Variants in NDST1 observed in about 807,000 individuals in gnomAD.
The protein encoded by NDST1 is bifunctional heparan sulfate N-deacetylase/N-sulfotransferase 1.
Under a neutral mutation model 92.8 loss-of-function variants are expected in NDST1, and 35 were observed. That is an observed-to-expected ratio of 0.38 (90% CI 0.29 to 0.50). The LOEUF is 0.50. NDST1 is among the 20% of genes least tolerant of loss of function. NDST1 has a pLI of 0.94. For synonymous variants in NDST1, 493 were observed against 500.3 expected, an observed-to-expected ratio of 0.99 and a Z score of 0.19; for missense variants, 822 against 1,182.7, an observed-to-expected ratio of 0.69 and a Z score of 4.47.
At chr5:150,517,190 C>T (rs933217627) in intron 1 of NDST1, among the ~76,000 whole-genome samples, 6 of 152,012 alleles carry the variant, frequency 3.9e-5, no homozygotes, top group East Asian at 1.9e-4. Context: ...CTCGCTCTGT[C>T]GCTCAGGCTG....
chr5:150,535,714 C>T lies in NDST1; in HGVS notation c.1266C>T (p.Pro422=). Residue 422 remains proline (P), a synonymous_variant, in exon 6 of 15, where the codon CCC becomes CCT. Coordinates refer to ENST00000261797, the MANE Select transcript of NDST1 (RefSeq NM_001543.5). ...NKKFAVEHGI[P]TDMGYAVAPH... is the part of the protein sequence containing the mutation. ...CCTCTCCCTAGGAGCATGGCATTCCCACAGACATGGGGTATGCAGTGGCGC... is the reference window on the plus strand; with the variant it reads ...CCTCTCCCTAGGAGCATGGCATTCCTACAGACATGGGGTATGCAGTGGCGC... The T allele has an allele frequency of 1.2e-6, 2 of 1,614,212 alleles. No individual in the cohort carries two copies. The highest frequency in any genetic ancestry group is 8.5e-7 in the Non-Finnish European group (1 of 1,180,042).
At chr5:150,519,994 A>C (rs1266116009) in intron 1 of NDST1, among the ~76,000 whole-genome samples, 1 of 152,098 alleles carries the variant, frequency 6.6e-6, no homozygotes, top group Non-Finnish European at 1.5e-5. Context: ...TCCCCTCTGC[A>C]TCCTGTGGTG....
intron 1 of NDST1, among the ~76,000 whole-genome samples, chr5:150,511,955 G>T (rs1753743797): frequency 6.6e-6 from 1 of 150,576 alleles, no homozygotes; most frequent in African/African-American, 2.4e-5. Context: ...TGGGGGTGAT[G>T]ATGTGACTGT....
Position 150,558,016 on chromosome 5 carries a change from G to C in NDST1, c.*4684G>C, listed in dbSNP as rs1188039405. 6.8e-6 allele frequency: 1 copy of C among 148,096 alleles called. No homozygotes were observed. The highest frequency in any genetic ancestry group is 1.5e-5 in the Non-Finnish European group (1 of 66,600). 9.2% of individuals were successfully genotyped at this position (148,096 alleles called of 1,614,324 possible). A position where few individuals can be genotyped will look rare whatever the true frequency, so the allele number is the denominator to read the frequency against. ...GAGGAGAGGGCCGACTGGAGAGGGTGGGGGGCACACTGGGGAAGCAGGCAG... is the reference window on the plus strand; with the variant it reads ...GAGGAGAGGGCCGACTGGAGAGGGTCGGGGGCACACTGGGGAAGCAGGCAG... On this transcript the variant is annotated 3_prime_UTR_variant, in exon 15 of 15. Transcript: ENST00000261797.
At chr5:150,544,062 C>T (rs1236328608) in intron 10 of NDST1, among the ~76,000 whole-genome samples, 3 of 152,210 alleles carry the variant, frequency 2.0e-5, no homozygotes, top group East Asian at 3.9e-4. Context: ...ACGGCGTGCG[C>T]CACTGCGCCC....
At chr5:150,502,705 C>T (rs995883969) in intron 1 of NDST1, among the ~76,000 whole-genome samples, 7 of 151,962 alleles carry the variant, frequency 4.6e-5, no homozygotes, top group Non-Finnish European at 7.4e-5. Flanking sequence ...TCCTTTTGGA[C>T]GAGGAAAAAG....
intron 2 of NDST1, among the ~76,000 whole-genome samples, chr5:150,522,396 TG>T (rs1180262909): frequency 6.6e-6 from 1 of 151,026 alleles, no homozygotes; most frequent in Non-Finnish European, 1.5e-5. Context: ...CCGCCGGGAT[TG>T]GGGTCCTTGC....
chr5:150,521,092 TG>T lies in NDST1; in HGVS notation c.-158del. On this transcript the variant is annotated 5_prime_UTR_variant, in exon 2 of 15. Transcript: ENST00000261797. The surrounding 1 kb of genome is among the most constrained non-coding windows in gnomAD (Gnocchi z 5.9). ...TGCGCCCCTGGCTGGGAGGAAGGAC[TG>T]GGGGCCCAGATCCTCCACTCCCAGT... The T allele has an allele frequency of 1.5e-6, 1 of 648,654 alleles. No individual in the cohort carries two copies. Among genetic ancestry groups the T allele is most frequent in the Non-Finnish European group, 2.6e-6 (1 of 379,290 alleles). 40.2% of individuals were successfully genotyped at this position (648,654 alleles called of 1,614,324 possible).
At chr5:150,502,325 T>C (rs1753270624) in intron 1 of NDST1, among the ~76,000 whole-genome samples, 1 of 152,014 alleles carries the variant, frequency 6.6e-6, no homozygotes, top group African/African-American at 2.4e-5. Context: ...GATGAGCTGA[T>C]GGGATTTGCT....
intron 2 of NDST1, 119 bp from the exon 3 acceptor site, chr5:150,527,685 C>T (rs1231458809): frequency 6.9e-7 from 1 of 1,451,524 alleles, no homozygotes; most frequent in East Asian, 2.4e-5. Context: ...GGTGGTGAGC[C>T]CTCCATGAAT....
chr5:150,536,014 G>C (rs572996188), intron 6 of NDST1, 129 bp downstream of exon 6: 1 of 1,079,900 alleles, frequency 9.3e-7, no homozygotes, highest in South Asian at 1.3e-5. Context: ...AGCTTCTGCT[G>C]CCTCCTCTGG....
At chr5:150,529,892 C>T (rs1754644762) in intron 3 of NDST1, among the ~76,000 whole-genome samples, 2 of 152,204 alleles carry the variant, frequency 1.3e-5, no homozygotes, top group Non-Finnish European at 2.9e-5. Context: ...CTGCCTTGGT[C>T]AGGAGTGAAC....
intron 2 of NDST1, among the ~76,000 whole-genome samples, chr5:150,525,070 C>T (rs982588519): frequency 1.3e-5 from 2 of 152,172 alleles, no homozygotes; most frequent in African/African-American, 4.8e-5. Context: ...TCTGCGTTCC[C>T]GAATCAGGGC....
At chr5:150,540,505 T>C (rs1755197223) in intron 8 of NDST1, among the ~76,000 whole-genome samples, 1 of 152,032 alleles carries the variant, frequency 6.6e-6, no homozygotes, top group South Asian at 2.1e-4. Context: ...TACATAGCCT[T>C]GGAAAAAACA....
chr5:150,549,533 C>A, intron 12 of NDST1, 145 bp from the exon 13 acceptor site: 1 of 687,758 alleles, frequency 1.5e-6, no homozygotes, highest in Non-Finnish European at 2.7e-6. Context: ...TTGGGGATAC[C>A]TGCCCTTCAA....
Position 150,553,572 on chromosome 5 carries a change from C to T in NDST1, c.*240C>T, listed in dbSNP as rs1755807963. On this transcript the variant is annotated 3_prime_UTR_variant, in exon 15 of 15. Transcript: ENST00000261797. This position sits in a 1 kb window ranked among gnomAD's most constrained non-coding sequence, Gnocchi z 4.2. ...CGCCAGCAGAGGTCCATTCCGTTCC[C>T]AGCTGCTCCTGGGGAGGCCGCTTCC... is the stretch of plus-strand genomic sequence containing the variant. 11 of 522,224 alleles carry T rather than the reference C, an allele frequency of 2.1e-5. No homozygotes were observed. The highest frequency in any genetic ancestry group is 2.0e-4 in the South Asian group (11 of 54,728). 32.3% of individuals were successfully genotyped at this position (522,224 alleles called of 1,614,324 possible).
upstream of NDST1, among the ~76,000 whole-genome samples, chr5:150,504,141 C>T (rs1486678655): frequency 6.6e-6 from 1 of 152,208 alleles, no homozygotes; most frequent in African/African-American, 2.4e-5. Flanking sequence ...AAGCCCTCTG[C>T]TTCTGCAAGC....
rs1753244358 is a variant in NDST1 at position 150,501,809 on chromosome 5, G to GAAA, written c.-388+3573_-388+3575dup. Reference sequence around the variant, plus strand: ...GTCAGGTGGTGAGATGTGCCTGGAAGAAAAATAAAACTGGCTTGTGGGTCA... The same window carrying GAAA: ...GTCAGGTGGTGAGATGTGCCTGGAAGAAAAAAAATAAAACTGGCTTGTGGGTCA... On this transcript the variant is annotated intron_variant, in intron 1 of 1. Transcript: ENST00000518299. Among the ~76,000 whole-genome samples, 3 of 152,194 alleles carry GAAA rather than the reference G, an allele frequency of 2.0e-5. No individual in the cohort carries two copies. In the South Asian group the frequency reaches 6.2e-4, roughly 32 times the overall value.
At chr5:150,516,832 A>G (rs908156365) in intron 1 of NDST1, among the ~76,000 whole-genome samples, 1 of 151,870 alleles carries the variant, frequency 6.6e-6, no homozygotes, top group Non-Finnish European at 1.5e-5. Flanking sequence ...TGCCTAGCTA[A>G]TTTTTGTATT....
Sources: gnomAD v4.1 joint callset for allele counts (sites outside exome capture counted in the v4.1 genomes callset) on GRCh38, gnomAD v4.1.1 for gene constraint, Gnocchi (gnomAD v3.1) non-coding constraint, MANE v1.5 for transcripts, NCBI Gene and HGNC (gene_info 2026-07-23, HGNC 2026-07-21) for gene names.